Variants in GFOD1 observed in about 807,000 individuals in gnomAD.
GFOD1 encodes the protein Gfo/Idh/MocA-like oxidoreductase domain containing 1, also known as glucose-fructose oxidoreductase domain-containing protein 1.
In GFOD1, 9 loss-of-function variants were observed where a neutral mutation model predicts 25.4. The observed-to-expected ratio is 0.35, with a 90% CI of 0.21 to 0.62. The LOEUF is 0.62. Ranked by LOEUF, GFOD1 falls within the 20% of genes least tolerant of loss-of-function variation. The pLI is 0.72. For missense variants in GFOD1, 403 were observed against 556.9 expected, an observed-to-expected ratio of 0.72 and a Z score of 2.78; for synonymous variants, 253 against 245.6, an observed-to-expected ratio of 1.03 and a Z score of -0.28.
Position 13,365,009 on chromosome 6 carries a change from G to A in GFOD1, c.907C>T (p.Leu303=). The change falls in exon 2 of 2, where the codon CTG becomes TTG. Residue 303 remains leucine, a synonymous_variant. Coordinates refer to ENST00000379287, the MANE Select transcript of GFOD1 (RefSeq NM_018988.4). The surrounding 1 kb of genome is among the most constrained non-coding windows in gnomAD (Gnocchi z 9.2). ...TGCATCATCTTGATGGTGCCGCGCA[G>A]GTAGGGCGAGGGGATGTCGCTGAAG... The part of the protein sequence containing the change: ...KAFSDIPSPY[L]RGTIKMMQAV... 6.2e-7 allele frequency: 1 copy of A among 1,610,282 alleles called. No homozygotes were observed. Among genetic ancestry groups the A allele is most frequent in the East Asian group, 2.2e-5 (1 of 44,874 alleles).
At position 13,360,441 on chromosome 6, in the gene GFOD1, GACAA is replaced by G. The variant is rs142649247; in HGVS notation, c.*4298_*4301del. The G allele has an allele frequency of 6.8e-3, 2,345 of 346,466 alleles. 14 individuals are homozygous for G. The highest frequency in any genetic ancestry group is 0.011 in the South Asian group (492 of 45,832). The allele number at this position is 346,466 out of a possible 1,614,324, so 21.5% of individuals were successfully genotyped here. A position where few individuals can be genotyped will look rare whatever the true frequency, so the allele number is the denominator to read the frequency against. ...TGCAGTGCACAGCTAAAATTGGAGT[GACAA>G]ACAAACGAACTTTAAAGCCCCACTC... On this transcript the variant is annotated 3_prime_UTR_variant, in exon 2 of 2. Transcript: ENST00000379287.
intron 1 of GFOD1, among the ~76,000 whole-genome samples, chr6:13,432,023 G>A (rs186640729): frequency 6.6e-6 from 1 of 152,244 alleles, no homozygotes; most frequent in Admixed American, 6.5e-5. Context: ...TCAGGGAGGA[G>A]AGGGTTCTCA....
At chr6:13,485,487 C>T (rs1758844294) in intron 1 of GFOD1, among the ~76,000 whole-genome samples, 1 of 152,106 alleles carries the variant, frequency 6.6e-6, no homozygotes, top group Non-Finnish European at 1.5e-5. Context: ...TGTGTTTTTC[C>T]TCACCAATAG....
At chr6:13,470,289 G>A (rs760907170) in intron 1 of GFOD1, 2 of 1,587,438 alleles carry the variant, frequency 1.3e-6, no homozygotes, top group South Asian at 2.3e-5. Context: ...ATGCCAGCAG[G>A]CTGTGGCTGG....
In GFOD1 at chr6:13,358,325, T is replaced by C. The variant is rs150954211; in HGVS notation, c.*6418A>G. 131 of 152,240 alleles carry C rather than the reference T, an allele frequency of 8.6e-4. No homozygotes were observed. The highest frequency in any genetic ancestry group is 2.9e-3 in the African/African-American group (120 of 41,528). The allele number at this position is 152,240 out of a possible 1,614,324, so 9.4% of individuals were successfully genotyped here. A position where few individuals can be genotyped will look rare whatever the true frequency, so the allele number is the denominator to read the frequency against. On this transcript the variant is annotated 3_prime_UTR_variant, in exon 2 of 2. Transcript: ENST00000379287. ...ATATATAAGTTTGGTTTTATACATA[T>C]ACATACATATATACTCATGTTTGTA...
chr6:13,382,753 A>G (rs1785392333), intron 1 of GFOD1, among the ~76,000 whole-genome samples: 2 of 152,186 alleles, frequency 1.3e-5, no homozygotes, highest in South Asian at 4.1e-4. Context: ...TGCTGAGCCT[A>G]TCAACTCATC....
At chr6:13,476,479 T>C (rs1172013161) in intron 1 of GFOD1, among the ~76,000 whole-genome samples, 1 of 152,196 alleles carries the variant, frequency 6.6e-6, no homozygotes, top group Non-Finnish European at 1.5e-5. Flanking sequence ...TGAGGAAATG[T>C]TTTAGTGTGT....
chr6:13,468,819 A>G (rs948201000), intron 1 of GFOD1, among the ~76,000 whole-genome samples: 6 of 150,596 alleles, frequency 4.0e-5, no homozygotes, highest in African/African-American at 1.5e-4. Flanking sequence ...TCCCCCTTCC[A>G]GTTCTCTGCT....
chr6:13,475,079 C>A (rs548833253), intron 1 of GFOD1, among the ~76,000 whole-genome samples: 2 of 152,084 alleles, frequency 1.3e-5, no homozygotes, highest in South Asian at 4.2e-4. Context: ...ATCACAAAAC[C>A]AATGCTTACA....
At chr6:13,418,547 C>G (rs1446771685) in intron 1 of GFOD1, among the ~76,000 whole-genome samples, 1 of 152,136 alleles carries the variant, frequency 6.6e-6, no homozygotes, top group African/African-American at 2.4e-5. Flanking sequence ...ATGCAGAGGC[C>G]TAAAAGGTGA....
chr6:13,417,914 A>G (rs563663100), intron 1 of GFOD1, among the ~76,000 whole-genome samples: 37 of 152,332 alleles, frequency 2.4e-4, no homozygotes, highest in African/African-American at 7.0e-4. Context: ...ACACTCCTGC[A>G]GGCATTCTGG....
rs1758816662 is a variant in GFOD1, at chr6:13,484,237, A to T, written c.253+2401T>A. 2.0e-5 allele frequency among the ~76,000 whole-genome samples: 3 copies of T among 148,562 alleles called. No individual in the cohort carries two copies. In the South Asian group the frequency reaches 6.5e-4, roughly 32 times the overall value. ...GTGGATCGAAGGCTACAGACCTGTC[A>T]CCCTCACTGGGCAAGCAATTCAAAG... On this transcript the variant is annotated intron_variant, in intron 1 of 1. Transcript: ENST00000379287.
intron 1 of GFOD1, among the ~76,000 whole-genome samples, chr6:13,466,000 A>G (rs1286178043): frequency 6.6e-6 from 1 of 152,226 alleles, no homozygotes; most frequent in Non-Finnish European, 1.5e-5. Context: ...GATCTTAGGA[A>G]CACTTCTCAT....
intron 1 of GFOD1, among the ~76,000 whole-genome samples, chr6:13,418,182 A>G (rs929750394): frequency 1.3e-5 from 2 of 152,202 alleles, no homozygotes; most frequent in Non-Finnish European, 2.9e-5. Flanking sequence ...CCATTCACCT[A>G]CTTAGTAAAA....
intron 1 of GFOD1, among the ~76,000 whole-genome samples, chr6:13,367,802 A>T (rs1412454524): frequency 6.6e-6 from 1 of 151,966 alleles, no homozygotes; most frequent in Non-Finnish European, 1.5e-5. Flanking sequence ...TTAGCAAGTC[A>T]GATAAAACAG....
chr6:13,410,431 G>A (rs1786052522), intron 1 of GFOD1, among the ~76,000 whole-genome samples: 1 of 152,050 alleles, frequency 6.6e-6, no homozygotes, highest in African/African-American at 2.4e-5. Flanking sequence ...GCTGGGGGTG[G>A]TGGTGCATGC....
chr6:13,480,796 T>C (rs887833446), intron 1 of GFOD1, among the ~76,000 whole-genome samples: 3 of 152,184 alleles, frequency 2.0e-5, no homozygotes, highest in Admixed American at 1.3e-4. Flanking sequence ...CTGGAATCTG[T>C]TTTTTGATAA....
At chr6:13,422,742 T>C (rs910756701) in intron 1 of GFOD1, among the ~76,000 whole-genome samples, 3 of 152,232 alleles carry the variant, frequency 2.0e-5, no homozygotes, top group African/African-American at 4.8e-5. Flanking sequence ...CTGGTTCCTT[T>C]GTTTAAACAA....
At chr6:13,411,496 T>A (rs897437264) in intron 1 of GFOD1, among the ~76,000 whole-genome samples, 1 of 152,006 alleles carries the variant, frequency 6.6e-6, no homozygotes, top group African/African-American at 2.4e-5. Flanking sequence ...TTCACCATGT[T>A]AGCCAGGCTG....
Sources: gnomAD v4.1 joint callset for allele counts (sites outside exome capture counted in the v4.1 genomes callset) on GRCh38, gnomAD v4.1.1 for gene constraint, Gnocchi (gnomAD v3.1) non-coding constraint, MANE v1.5 for transcripts, NCBI Gene and HGNC (gene_info 2026-07-23, HGNC 2026-07-21) for gene names.